NPAS3: variants seen among roughly 807,000 people sequenced by gnomAD.
NPAS3 encodes neuronal PAS domain protein 3.
A neutral mutation model predicts 73.1 loss-of-function variants in NPAS3; 14 were observed. The ratio of observed to expected loss-of-function variants is 0.19; its 90% CI spans 0.13 to 0.30. The LOEUF is 0.30. NPAS3 is among the 10% of genes least tolerant of loss of function. NPAS3 has a pLI of 1.00. For synonymous variants in NPAS3, 620 were observed against 541.5 expected (o/e 1.14, Z -2.01); for missense variants, 1,096 against 1,250.0 (o/e 0.88, Z 1.86).
intron 1 of NPAS3, among the ~76,000 whole-genome samples, chr14:33,000,677 A>G (rs567676226): frequency 2.8e-4 from 43 of 152,382 alleles, no homozygotes; most frequent in African/African-American, 9.1e-4. Flanking sequence ...ATGGAGATAC[A>G]TGATAACAGA....
rs777068522 is a variant in NPAS3, at chr14:33,335,030, T to TTGTGTGTGTGTGTGTGTG, written c.386-32144_386-32143insTGTGTGTGTGTGTGTGTG. On this transcript the variant is annotated intron_variant, in intron 3 of 11. Transcript: ENST00000356141. The stretch of plus-strand genomic sequence containing the variant: ...CTTGCTATGGCTTAGTGGTATTCCA[T>TTGTGTGTGTGTGTGTGTG]TGTGTGTGTGTGCGTGTGTGTGTGT... Among the ~76,000 whole-genome samples the TTGTGTGTGTGTGTGTGTG allele has an allele frequency of 6.7e-3, 971 of 144,210 alleles. 11 individuals are homozygous for TTGTGTGTGTGTGTGTGTG. Among genetic ancestry groups the TTGTGTGTGTGTGTGTGTG allele is most frequent in the Middle Eastern group, 6.9e-3 (2 of 288 alleles). 94.6% of individuals were successfully genotyped at this position (144,210 alleles called of 152,430 possible).
intron 2 of NPAS3, among the ~76,000 whole-genome samples, chr14:33,085,320 G>A (rs1196413766): frequency 6.6e-6 from 1 of 152,174 alleles, no homozygotes; most frequent in African/African-American, 2.4e-5. Flanking sequence ...TGAAATATCT[G>A]GAATGTTCTG....
intron 4 of NPAS3, among the ~76,000 whole-genome samples, chr14:33,391,394 T>A (rs2046998687): frequency 1.3e-5 from 2 of 152,100 alleles, no homozygotes; most frequent in Non-Finnish European, 2.9e-5. Flanking sequence ...GGTTTCTCTA[T>A]GTTGGTTAGG....
At chr14:33,370,900 G>A (rs1360075434) in intron 4 of NPAS3, among the ~76,000 whole-genome samples, 2 of 152,122 alleles carry the variant, frequency 1.3e-5, no homozygotes, top group East Asian at 3.9e-4. Context: ...CTATTAAATA[G>A]CCAAGTTGAT....
chr14:33,102,391 C>A (rs893530569), intron 2 of NPAS3, among the ~76,000 whole-genome samples: 1 of 152,158 alleles, frequency 6.6e-6, no homozygotes, highest in Non-Finnish European at 1.5e-5. Flanking sequence ...CAAATCATGG[C>A]TCTTTTGTTA....
At chr14:33,505,031 T>C (rs2052691720) in intron 4 of NPAS3, among the ~76,000 whole-genome samples, 1 of 152,008 alleles carries the variant, frequency 6.6e-6, no homozygotes, top group Non-Finnish European at 1.5e-5. Flanking sequence ...TTTAGACAAA[T>C]ATTTGCTTCA....
intron 4 of NPAS3, among the ~76,000 whole-genome samples, chr14:33,386,168 A>G (rs1216936774): frequency 6.6e-6 from 1 of 152,000 alleles, no homozygotes; most frequent in Non-Finnish European, 1.5e-5. Flanking sequence ...CTCTTGATAT[A>G]TTTATTCTAT....
intron 2 of NPAS3, among the ~76,000 whole-genome samples, chr14:33,123,012 T>A (rs2043287529): frequency 6.6e-6 from 1 of 152,100 alleles, no homozygotes; most frequent in Non-Finnish European, 1.5e-5. Flanking sequence ...TAAGGAAATA[T>A]TTATTAAAAA....
At chr14:33,549,893 C>A (rs751163697) in intron 4 of NPAS3, among the ~76,000 whole-genome samples, 1 of 152,134 alleles carries the variant, frequency 6.6e-6, no homozygotes, top group Non-Finnish European at 1.5e-5. Flanking sequence ...TCAGTGATAG[C>A]ACTGAATTCA....
intron 1 of NPAS3, among the ~76,000 whole-genome samples, chr14:33,009,329 T>G (rs548961519): frequency 6.6e-6 from 1 of 152,214 alleles, no homozygotes; most frequent in East Asian, 1.9e-4. Context: ...AGGGGACCAG[T>G]GTGGGCTCTA....
intron 3 of NPAS3, among the ~76,000 whole-genome samples, chr14:33,291,010 A>G (rs2042077664): frequency 6.6e-6 from 1 of 151,686 alleles, no homozygotes; most frequent in Non-Finnish European, 1.5e-5. Flanking sequence ...TGGAATCTAC[A>G]AGTGGTATCT....
rs533301437 is a variant in NPAS3 at position 33,210,637 on chromosome 14, A to G, written c.141-4545A>G. ...TAATAATTATCATTGCCATTTAAAAACCTTCAATAGCATTTTCACAATCTT... is the reference window on the plus strand; with the variant it reads ...TAATAATTATCATTGCCATTTAAAAGCCTTCAATAGCATTTTCACAATCTT... On this transcript the variant is annotated intron_variant, in intron 2 of 11. Transcript: ENST00000356141. Among the ~76,000 whole-genome samples, 8 of 152,136 alleles carry G rather than the reference A, an allele frequency of 5.3e-5. No homozygotes were observed. In the South Asian group the frequency reaches 1.7e-3, roughly 32 times the overall value.
intron 3 of NPAS3, among the ~76,000 whole-genome samples, chr14:33,220,295 G>T (rs2047376153): frequency 6.6e-6 from 1 of 152,110 alleles, no homozygotes; most frequent in African/African-American, 2.4e-5. Context: ...GTAGGTGGTG[G>T]GTACCCAGTG....
At chr14:33,354,269 A>T (rs2045226387) in intron 3 of NPAS3, among the ~76,000 whole-genome samples, 1 of 152,022 alleles carries the variant, frequency 6.6e-6, no homozygotes, top group East Asian at 1.9e-4. Flanking sequence ...ATTTTCAGAA[A>T]TGTTGATCTC....
chr14:33,052,095 T>C (rs927796547), intron 1 of NPAS3, among the ~76,000 whole-genome samples: 3 of 152,146 alleles, frequency 2.0e-5, no homozygotes, highest in African/African-American at 7.2e-5. Flanking sequence ...GTAAGATAGT[T>C]CAAAATTATA....
intron 2 of NPAS3, among the ~76,000 whole-genome samples, chr14:33,093,687 C>A (rs191656290): frequency 6.6e-6 from 1 of 152,226 alleles, no homozygotes; most frequent in African/African-American, 2.4e-5. Context: ...TATTGGGGCA[C>A]TATTCACAAT....
intron 1 of NPAS3, among the ~76,000 whole-genome samples, chr14:32,962,613 C>T (rs2036980343): frequency 7.1e-6 from 1 of 140,818 alleles, no homozygotes; most frequent in Admixed American, 7.3e-5. Flanking sequence ...GCTCTGTCAC[C>T]CAGGCTGGAG....
chr14:33,801,113 G>A (rs542842923), downstream of NPAS3: 3 of 1,573,738 alleles, frequency 1.9e-6, no homozygotes, highest in South Asian at 1.2e-5. Context: ...GGACTGAGGC[G>A]CCGCCCGTCC....
intron 2 of NPAS3, among the ~76,000 whole-genome samples, chr14:33,141,742 G>A (rs186470898): frequency 6.6e-4 from 101 of 152,220 alleles, no homozygotes; most frequent in Admixed American, 1.0e-3. Context: ...ACATCTTTGC[G>A]TACATTTTGT....
Sources: allele counts gnomAD v4.1 joint callset (sites outside exome capture counted in the v4.1 genomes callset), GRCh38; gene constraint gnomAD v4.1.1; transcripts MANE v1.5; gene names NCBI Gene and HGNC (gene_info 2026-07-23, HGNC 2026-07-21).